Variants in CAST observed in about 807,000 individuals in gnomAD.
The protein encoded by CAST is MIR583 host.
CAST carries 76 observed loss-of-function variants against 119.6 expected under a neutral mutation model. That is an observed-to-expected ratio of 0.64 (90% CI 0.53 to 0.77). The LOEUF (loss-of-function observed/expected upper bound fraction) is 0.77. Ranked by LOEUF, CAST falls within the 30% of genes least tolerant of loss-of-function variation. The pLI is 0.00. For missense variants in CAST, 953 were observed against 946.5 expected (o/e 1.01, Z -0.09); for synonymous variants, 319 against 331.6 (o/e 0.96, Z 0.41).
chr5:96,142,139 A>G, the CAST span, among the ~76,000 whole-genome samples: 10 of 152,216 alleles, frequency 6.6e-5, no homozygotes, highest in African/African-American at 2.2e-4. Context: ...TTGGCCAGGC[A>G]CAGTGGCTCA....
At chr5:96,264,083 C>T in the CAST span, among the ~76,000 whole-genome samples, 3 of 152,186 alleles carry the variant, frequency 2.0e-5, no homozygotes, top group East Asian at 1.9e-4. Flanking sequence ...GCAAAATTAG[C>T]TTTCATACAT....
chr5:96,153,946 C>A, the CAST span, among the ~76,000 whole-genome samples: 1 of 152,206 alleles, frequency 6.6e-6, no homozygotes, highest in East Asian at 1.9e-4. Flanking sequence ...GGCAGGGTCT[C>A]AATATGTTAT....
At chr5:96,002,822 T>C in the CAST span, among the ~76,000 whole-genome samples, 1 of 152,266 alleles carries the variant, frequency 6.6e-6, no homozygotes, top group Non-Finnish European at 1.5e-5. Flanking sequence ...GCAATATTTA[T>C]TTATGTTTTT....
the CAST span, among the ~76,000 whole-genome samples, chr5:95,999,547 T>C: frequency 2.0e-5 from 3 of 152,098 alleles, no homozygotes; most frequent in Non-Finnish European, 2.9e-5. Context: ...TTTCGCTGTG[T>C]TTCCTAGGCT....
chr5:96,009,928 C>T, the CAST span, among the ~76,000 whole-genome samples: 3 of 152,076 alleles, frequency 2.0e-5, no homozygotes, highest in Non-Finnish European at 4.4e-5. Context: ...GGTTTGAGGT[C>T]TTACATATAA....
the CAST span, among the ~76,000 whole-genome samples, chr5:96,063,423 G>A: frequency 4.7e-3 from 714 of 152,184 alleles, 6 homozygotes; most frequent in African/African-American, 0.016. Flanking sequence ...GTCTTTTGTC[G>A]CTATTGTAAT....
At chr5:96,690,979 T>C (rs962479127) in intron 2 of CAST, among the ~76,000 whole-genome samples, 2 of 152,244 alleles carry the variant, frequency 1.3e-5, no homozygotes, top group African/African-American at 2.4e-5. Flanking sequence ...AATGTGTTGT[T>C]ATGCAATTTT....
At chr5:96,753,883 G>A (rs1483502388) in intron 20 of CAST, among the ~76,000 whole-genome samples, 177 bp from the exon 21 acceptor site, 1 of 152,166 alleles carries the variant, frequency 6.6e-6, no homozygotes, top group African/African-American at 2.4e-5. Flanking sequence ...AAATTTGCTC[G>A]AATGTTAAAC....
intron 1 of CAST, among the ~76,000 whole-genome samples, chr5:96,670,261 T>C (rs1749889556): frequency 6.6e-6 from 1 of 152,062 alleles, no homozygotes; most frequent in East Asian, 1.9e-4. Flanking sequence ...CCAAGACATA[T>C]GATACAATAT....
chr5:96,747,922 A>G (rs1764124836), intron 18 of CAST, among the ~76,000 whole-genome samples: 2 of 152,220 alleles, frequency 1.3e-5, no homozygotes, highest in African/African-American at 4.8e-5. Context: ...CCCAAGGTCA[A>G]GGGGCTATAA....
chr5:96,435,835 C>T, the CAST span, among the ~76,000 whole-genome samples: 2 of 152,138 alleles, frequency 1.3e-5, no homozygotes, highest in Admixed American at 6.5e-5. Context: ...TAAGAATATG[C>T]TCAAAGGAGA....
chr5:96,399,474 G>A, the CAST span, among the ~76,000 whole-genome samples: 1 of 152,100 alleles, frequency 6.6e-6, no homozygotes, highest in Non-Finnish European at 1.5e-5. Context: ...GTGCTAGAGG[G>A]AGTCTAAGTA....
the CAST span, chr5:96,379,706 C>T: frequency 6.6e-6 from 1 of 152,116 alleles, no homozygotes; most frequent in African/African-American, 2.4e-5. Context: ...ATATTATTTT[C>T]TCTCTCCTGC....
Position 96,662,492 on chromosome 5 carries a change from C to G in CAST, c.70C>G (p.His24Asp). Residue 24 changes from histidine (H) to aspartate (D), a missense_variant, in exon 1 of 32, where the codon CAT (histidine) becomes GAT (aspartate). His to Asp is a moderately conservative substitution (Grantham distance 81, BLOSUM62 -1). Transcript: ENST00000675179. The part of the protein sequence containing the change: ...PRRAAAARRT[H>D]EHVSEKTSES... ...GCGAGCAGCCGCCGCCCGCCGCACC[C>G]ATGAGGTGAGTGGCGCTCCTGTCGG... 7.0e-7 allele frequency: 1 copy of G among 1,423,396 alleles called. No individual in the cohort carries two copies. The highest frequency in any genetic ancestry group is 1.5e-5 in the African/African-American group (1 of 66,820). 88.2% of individuals were successfully genotyped at this position (1,423,396 alleles called of 1,614,324 possible). A position where few individuals can be genotyped will look rare whatever the true frequency, so the allele number is the denominator to read the frequency against.
chr5:96,186,315 C>G, the CAST span, among the ~76,000 whole-genome samples: 3,891 of 152,084 alleles, frequency 0.026, 181 homozygotes, highest in African/African-American at 0.09. Context: ...TGACTTCCTC[C>G]CTTCCTGTTT....
the CAST span, among the ~76,000 whole-genome samples, chr5:96,032,144 A>G: frequency 6.6e-6 from 1 of 152,280 alleles, no homozygotes. Flanking sequence ...ATCCTGATAC[A>G]ATGTGAGAGG....
chr5:96,594,131 C>T (rs774628740), intron 1 of CAST, among the ~76,000 whole-genome samples: 2 of 152,194 alleles, frequency 1.3e-5, no homozygotes, highest in Non-Finnish European at 1.5e-5. Flanking sequence ...CCATGCCTCA[C>T]CTTCCAAATA....
At chr5:96,512,290 A>G in the CAST span, among the ~76,000 whole-genome samples, 1 of 152,206 alleles carries the variant, frequency 6.6e-6, no homozygotes, top group East Asian at 1.9e-4. Context: ...CTTGGTAGAC[A>G]TACAATTTCT....
At chr5:96,027,264 C>T in the CAST span, among the ~76,000 whole-genome samples, 1 of 151,792 alleles carries the variant, frequency 6.6e-6, no homozygotes, top group Non-Finnish European at 1.5e-5. Context: ...TTAATATCAG[C>T]AACTAGATGG....
Sources: allele counts gnomAD v4.1 joint callset (sites outside exome capture counted in the v4.1 genomes callset), GRCh38; gene constraint gnomAD v4.1.1; transcripts MANE v1.5; gene names NCBI Gene and HGNC (gene_info 2026-07-23, HGNC 2026-07-21).